The following SGCZ variants were observed in gnomAD, a reference collection of about 807,000 sequenced individuals.
SGCZ encodes sarcoglycan zeta.
SGCZ carries 40 observed loss-of-function variants against 41.3 expected under a neutral mutation model. The ratio of observed to expected loss-of-function variants is 0.97; its 90% CI spans 0.75 to 1.26. The LOEUF (loss-of-function observed/expected upper bound fraction) is 1.26, where lower values mean the gene tolerates loss of function less well. Ranked by LOEUF, SGCZ falls within the 50% of genes most tolerant of loss-of-function variation. The pLI, the probability that SGCZ is intolerant of heterozygous loss-of-function variation, is 0.00. For missense variants in SGCZ, 552 were observed against 369.8 expected (o/e 1.49, Z -4.04); for synonymous variants, 206 against 137.5 (o/e 1.50, Z -3.49).
At chr8:14,308,626 A>T (rs1043843565) in intron 3 of SGCZ, among the ~76,000 whole-genome samples, 1 of 152,074 alleles carries the variant, frequency 6.6e-6, no homozygotes, top group Non-Finnish European at 1.5e-5. Flanking sequence ...AAAAAAATTT[A>T]TAAAACATCC....
At chr8:14,155,428 C>A (rs183480046) in intron 5 of SGCZ, among the ~76,000 whole-genome samples, 65 of 151,998 alleles carry the variant, frequency 4.3e-4, no homozygotes, top group Non-Finnish European at 6.6e-4. Flanking sequence ...GTTACTTTTC[C>A]CTCTATTAAA....
intron 2 of SGCZ, among the ~76,000 whole-genome samples, chr8:14,552,752 C>T (rs1404422159): frequency 6.6e-6 from 1 of 151,896 alleles, no homozygotes; most frequent in Non-Finnish European, 1.5e-5. Context: ...CAGCATGGGG[C>T]AAAGTATTGG....
intron 4 of SGCZ, among the ~76,000 whole-genome samples, chr8:14,191,007 T>C (rs1805085081): frequency 6.6e-6 from 1 of 152,228 alleles, no homozygotes; most frequent in African/African-American, 2.4e-5. Context: ...CGTCAACACC[T>C]GTAATGACTC....
chr8:15,088,238 AC>A (rs1806022877), intron 1 of SGCZ, among the ~76,000 whole-genome samples: 1 of 152,206 alleles, frequency 6.6e-6, no homozygotes, highest in African/African-American at 2.4e-5. Context: ...ACATTTACAC[AC>A]GCAGTAAGCG....
intron 1 of SGCZ, among the ~76,000 whole-genome samples, chr8:15,175,568 G>T (rs1318430992): frequency 6.6e-6 from 1 of 152,016 alleles, no homozygotes; most frequent in Non-Finnish European, 1.5e-5. Flanking sequence ...AGAGCATCAG[G>T]AACAGCAACT....
At chr8:15,019,000 A>T (rs1362067180) in intron 1 of SGCZ, among the ~76,000 whole-genome samples, 1 of 152,224 alleles carries the variant, frequency 6.6e-6, no homozygotes, top group Non-Finnish European at 1.5e-5. Flanking sequence ...AGATCAAAGC[A>T]GGAAGTGCTA....
At chr8:14,849,348 AT>A (rs1046267257) in intron 1 of SGCZ, among the ~76,000 whole-genome samples, 1 of 152,176 alleles carries the variant, frequency 6.6e-6, no homozygotes, top group African/African-American at 2.4e-5. Context: ...CAAGAAAAAA[AT>A]AATTGTATCT....
chr8:14,738,830 G>T (rs191916395), intron 1 of SGCZ, among the ~76,000 whole-genome samples: 107 of 152,112 alleles, frequency 7.0e-4, no homozygotes, highest in Non-Finnish European at 1.2e-3. Flanking sequence ...AGGGAGAACG[G>T]GCCGCAGGAC....
chr8:15,235,971 T>C (rs951226734), intron 1 of SGCZ, among the ~76,000 whole-genome samples: 23 of 152,092 alleles, frequency 1.5e-4, no homozygotes, highest in African/African-American at 5.6e-4. Flanking sequence ...ATAAAGGCAA[T>C]GTGTCCTATC....
intron 1 of SGCZ, among the ~76,000 whole-genome samples, chr8:14,865,145 T>C (rs933600383): frequency 6.6e-6 from 1 of 152,058 alleles, no homozygotes; most frequent in Non-Finnish European, 1.5e-5. Context: ...AAACTCAGTG[T>C]CCTTAGCATC....
intron 1 of SGCZ, among the ~76,000 whole-genome samples, chr8:14,580,099 T>A (rs1262715772): frequency 2.6e-5 from 4 of 152,066 alleles, no homozygotes; most frequent in African/African-American, 9.7e-5. Flanking sequence ...GAAGGAAAGG[T>A]CCCGGAGAAA....
intron 2 of SGCZ, among the ~76,000 whole-genome samples, chr8:14,381,688 A>C (rs1318923473): frequency 1.3e-5 from 2 of 151,992 alleles, no homozygotes; most frequent in Non-Finnish European, 1.5e-5. Flanking sequence ...TGGGAAGCTA[A>C]GGTGAAAGGG....
intron 4 of SGCZ, among the ~76,000 whole-genome samples, chr8:14,192,036 C>A (rs990062622): frequency 1.4e-4 from 21 of 151,924 alleles, no homozygotes; most frequent in Non-Finnish European, 2.9e-4. Flanking sequence ...GGAGGTAATA[C>A]AAAATTCTTA....
chr8:14,905,931 CAAATA>C (rs1373573020), intron 1 of SGCZ, among the ~76,000 whole-genome samples: 1 of 151,798 alleles, frequency 6.6e-6, no homozygotes, highest in Non-Finnish European at 1.5e-5. Context: ...AGTACCTCTA[CAAATA>C]AAATAAAGAA....
At chr8:14,727,954 G>A (rs116962826) in intron 1 of SGCZ, among the ~76,000 whole-genome samples, 2 of 152,304 alleles carry the variant, frequency 1.3e-5, no homozygotes, top group Non-Finnish European at 1.5e-5. Context: ...AGCAGCATAA[G>A]TGCACAGTAA....
chr8:14,886,124 C>G (rs1240619829), intron 1 of SGCZ, among the ~76,000 whole-genome samples: 1 of 149,334 alleles, frequency 6.7e-6, no homozygotes, highest in Non-Finnish European at 1.5e-5. Flanking sequence ...CTATCCCATG[C>G]ATGCTCATAT....
chr8:14,105,689 C>G (rs2116993248), intron 6 of SGCZ, among the ~76,000 whole-genome samples: 1 of 152,016 alleles, frequency 6.6e-6, no homozygotes, highest in South Asian at 2.1e-4. Flanking sequence ...ATAAATCCAG[C>G]TTAGTGCAAT....
intron 5 of SGCZ, among the ~76,000 whole-genome samples, chr8:14,163,750 C>T (rs943044182): frequency 1.3e-5 from 2 of 152,114 alleles, no homozygotes; most frequent in African/African-American, 4.8e-5. Flanking sequence ...ATGCTAACTG[C>T]CCTCACCTGA....
At chr8:15,204,476 T>C (rs557320848) in intron 1 of SGCZ, among the ~76,000 whole-genome samples, 55 of 152,292 alleles carry the variant, frequency 3.6e-4, no homozygotes, top group African/African-American at 1.3e-3. Flanking sequence ...TTCAGTCAAA[T>C]TGGGCAGCTT....
Sources: gnomAD v4.1 joint callset for allele counts (sites outside exome capture counted in the v4.1 genomes callset) on GRCh38, gnomAD v4.1.1 for gene constraint, MANE v1.5 for transcripts, NCBI Gene and HGNC (gene_info 2026-07-23, HGNC 2026-07-21) for gene names.